The following QRFPR variants were observed in gnomAD, a reference collection of about 807,000 sequenced individuals.
QRFPR encodes the protein pyroglutamylated RF-amide peptide receptor.
In QRFPR, 37 loss-of-function variants were observed where a neutral mutation model predicts 31.3. The observed-to-expected ratio is 1.18, with a 90% CI of 0.91 to 1.56. The LOEUF (loss-of-function observed/expected upper bound fraction) is 1.56, where lower values mean the gene tolerates loss of function less well. Ranked by LOEUF, QRFPR falls within the 40% of genes most tolerant of loss-of-function variation. The pLI is 0.00. For missense variants in QRFPR, 542 were observed against 532.5 expected (o/e 1.02, Z -0.18); for synonymous variants, 197 against 192.0 (o/e 1.03, Z -0.22).
intron 1 of QRFPR, among the ~76,000 whole-genome samples, chr4:121,362,917 T>C (rs1445438171): frequency 6.6e-6 from 1 of 150,486 alleles, no homozygotes; most frequent in East Asian, 2.0e-4. Flanking sequence ...AAATATATCA[T>C]GCAGAGCTGT....
chr4:121,339,400 T>A (rs919819454), intron 2 of QRFPR, among the ~76,000 whole-genome samples: 1 of 152,194 alleles, frequency 6.6e-6, no homozygotes, highest in African/African-American at 2.4e-5. Context: ...AATTTACCAT[T>A]TATCATGAGG....
intron 1 of QRFPR, chr4:121,369,535 C>T: frequency 1.9e-6 from 3 of 1,591,078 alleles, no homozygotes; most frequent in South Asian, 2.2e-5. Context: ...TCTTGGGTGG[C>T]TTCAAGGCTG....
intron 1 of QRFPR, among the ~76,000 whole-genome samples, chr4:121,363,408 C>T (rs1201587428): frequency 6.7e-6 from 1 of 149,932 alleles, no homozygotes; most frequent in Non-Finnish European, 1.5e-5. Context: ...AAAGCACTGC[C>T]CTTCCTTACC....
At chr4:121,329,903 G>T (rs893604156) in intron 5 of QRFPR, among the ~76,000 whole-genome samples, 189 bp from the exon 6 acceptor site, 1 of 152,204 alleles carries the variant, frequency 6.6e-6, no homozygotes, top group Non-Finnish European at 1.5e-5. Flanking sequence ...TTCACTTAGA[G>T]AATCTAGGTT....
At chr4:121,339,756 C>T (rs1446184190) in intron 2 of QRFPR, among the ~76,000 whole-genome samples, 3 of 151,986 alleles carry the variant, frequency 2.0e-5, no homozygotes, top group Non-Finnish European at 4.4e-5. Flanking sequence ...GAGTTCAAGA[C>T]CAGCCTGAGA....
At chr4:121,353,382 A>AT (rs1725800229) in intron 1 of QRFPR, among the ~76,000 whole-genome samples, 1 of 151,886 alleles carries the variant, frequency 6.6e-6, no homozygotes, top group South Asian at 2.1e-4. Flanking sequence ...AGCATTTATT[A>AT]TTGCCTCTCT....
rs374437852 is a variant in QRFPR at position 121,344,690 on chromosome 4, C to A, written c.341-4080G>T. Reference sequence around the variant, plus strand: ...GAGAGAGCACTTTTCAAGGTCTAGACGACTAAAACAAAATAAACACTGAAG... The same window carrying A: ...GAGAGAGCACTTTTCAAGGTCTAGAAGACTAAAACAAAATAAACACTGAAG... On this transcript the variant is annotated intron_variant, in intron 1 of 5. Transcript: ENST00000394427. 5.3e-5 allele frequency among the ~76,000 whole-genome samples: 8 copies of A among 152,134 alleles called. No individual in the cohort carries two copies. The East Asian group carries it at 1.2e-3, about 22-fold the overall frequency.
intron 3 of QRFPR, among the ~76,000 whole-genome samples, chr4:121,335,583 GGTGGGGC>G (rs756142827): frequency 1.2e-5 from 1 of 81,596 alleles, no homozygotes; most frequent in African/African-American, 4.0e-5. Context: ...GGGGGTGGGG[GGTGGGGC>G]GGGGAGAGGA....
chr4:121,378,832 T>TG (rs1030102207), intron 1 of QRFPR, among the ~76,000 whole-genome samples: 1 of 152,206 alleles, frequency 6.6e-6, no homozygotes, highest in African/African-American at 2.4e-5. Context: ...ATCCAGTTCT[T>TG]TTGATCCCCA....
chr4:121,363,002 T>C (rs1726020827), intron 1 of QRFPR, among the ~76,000 whole-genome samples: 1 of 150,336 alleles, frequency 6.7e-6, no homozygotes, highest in Non-Finnish European at 1.5e-5. Context: ...CATGCAAGCC[T>C]AGCACATTTT....
At chr4:121,350,408 T>C (rs2110474328) in intron 1 of QRFPR, among the ~76,000 whole-genome samples, 1 of 152,336 alleles carries the variant, frequency 6.6e-6, no homozygotes, top group Middle Eastern at 3.4e-3. Flanking sequence ...ATCACTATGA[T>C]CAACTATTTC....
At chr4:121,351,967 CAA>C (rs1725769360) in intron 1 of QRFPR, among the ~76,000 whole-genome samples, 1 of 151,308 alleles carries the variant, frequency 6.6e-6, no homozygotes, top group South Asian at 2.1e-4. Flanking sequence ...AAACAGTAAA[CAA>C]ATAATATATT....
intron 1 of QRFPR, among the ~76,000 whole-genome samples, chr4:121,372,474 GT>G (rs1268811081): frequency 6.6e-6 from 1 of 152,132 alleles, no homozygotes; most frequent in East Asian, 1.9e-4. Flanking sequence ...GTATGATTCA[GT>G]GGCATTAATC....
chr4:121,332,519 T>C (rs927929002), intron 4 of QRFPR, among the ~76,000 whole-genome samples: 2 of 152,146 alleles, frequency 1.3e-5, no homozygotes, highest in African/African-American at 2.4e-5. Context: ...AGAGTACCCA[T>C]AGGACCACAG....
intron 1 of QRFPR, among the ~76,000 whole-genome samples, chr4:121,360,863 G>T (rs991148213): frequency 2.6e-5 from 4 of 152,106 alleles, no homozygotes; most frequent in African/African-American, 7.2e-5. Flanking sequence ...CAGGCATACA[G>T]AACTATTCAC....
intron 1 of QRFPR, among the ~76,000 whole-genome samples, chr4:121,377,500 C>T (rs1346553924): frequency 1.3e-5 from 2 of 151,772 alleles, no homozygotes; most frequent in African/African-American, 4.9e-5. Context: ...TCTTGCAATG[C>T]CTTGCACGGT....
intron 4 of QRFPR, among the ~76,000 whole-genome samples, chr4:121,330,831 T>C (rs918968774): frequency 2.6e-5 from 4 of 152,176 alleles, no homozygotes; most frequent in Non-Finnish European, 5.9e-5. Context: ...GAAGGTTAAT[T>C]AATTTGCGAA....
At chr4:121,372,608 C>T (rs1726271733) in intron 1 of QRFPR, among the ~76,000 whole-genome samples, 2 of 152,160 alleles carry the variant, frequency 1.3e-5, no homozygotes, top group African/African-American at 4.8e-5. Flanking sequence ...CCCCTGGTAA[C>T]ATTAGTACCT....
intron 1 of QRFPR, among the ~76,000 whole-genome samples, chr4:121,364,117 C>T (rs1228300510): frequency 6.7e-5 from 10 of 149,812 alleles, no homozygotes; most frequent in Admixed American, 6.6e-5. Context: ...TGAGGTCCTG[C>T]GTTACAAGGG....
Sources: allele counts gnomAD v4.1 joint callset (sites outside exome capture counted in the v4.1 genomes callset), GRCh38; gene constraint gnomAD v4.1.1; transcripts MANE v1.5; gene names NCBI Gene and HGNC (gene_info 2026-07-23, HGNC 2026-07-21).